The following TXLNB variants were observed in gnomAD, a reference collection of about 807,000 sequenced individuals.
TXLNB encodes beta-taxilin.
TXLNB carries 37 observed loss-of-function variants against 57.4 expected under a neutral mutation model. The ratio of observed to expected loss-of-function variants is 0.64; its 90% CI spans 0.50 to 0.85. TXLNB has a LOEUF of 0.85. Ranked by LOEUF, TXLNB falls within the 40% of genes least tolerant of loss-of-function variation. The pLI is 0.00. For synonymous variants in TXLNB, 302 were observed against 309.6 expected (o/e 0.98, Z 0.26); for missense variants, 848 against 825.6 (o/e 1.03, Z -0.33).
chr6:139,260,601 A>G (rs1396158300), intron 5 of TXLNB, among the ~76,000 whole-genome samples, 164 bp from the exon 6 acceptor site: 1 of 152,180 alleles, frequency 6.6e-6, no homozygotes, highest in Non-Finnish European at 1.5e-5. Flanking sequence ...AAAGCTGTAA[A>G]TTGGTGAACC....
intron 2 of TXLNB, among the ~76,000 whole-genome samples, chr6:139,284,253 G>A (rs1185092970): frequency 6.9e-6 from 1 of 145,384 alleles, no homozygotes. Flanking sequence ...TTGTGGGCCG[G>A]GTGCGGTGGC....
downstream of TXLNB, among the ~76,000 whole-genome samples, chr6:139,236,292 A>G (rs1775835600): frequency 6.6e-6 from 1 of 152,164 alleles, no homozygotes; most frequent in Non-Finnish European, 1.5e-5. Flanking sequence ...TGGGGCTTCC[A>G]GAGCTGTAAA....
the TXLNB span, among the ~76,000 whole-genome samples, chr6:139,206,689 A>T: frequency 6.6e-6 from 1 of 151,328 alleles, no homozygotes; most frequent in Non-Finnish European, 1.5e-5. Context: ...AAAAAAAAAG[A>T]TACAGAATGG....
At chr6:139,255,060 G>A (rs188843229) in intron 7 of TXLNB, among the ~76,000 whole-genome samples, 8 of 152,272 alleles carry the variant, frequency 5.3e-5, no homozygotes, top group Admixed American at 3.3e-4. Flanking sequence ...GACCTCAGGC[G>A]ATCCGCCCGC....
chr6:139,210,048 G>A, the TXLNB span, among the ~76,000 whole-genome samples: 2 of 152,056 alleles, frequency 1.3e-5, no homozygotes, highest in South Asian at 2.1e-4. Flanking sequence ...AGTGGGCAAA[G>A]AATATGAATA....
At chr6:139,269,942 G>A (rs954494683) in intron 4 of TXLNB, among the ~76,000 whole-genome samples, 33 of 152,268 alleles carry the variant, frequency 2.2e-4, no homozygotes, top group African/African-American at 7.2e-4. Flanking sequence ...GAGCTTCAGT[G>A]CTTTTTCCAA....
the TXLNB span, among the ~76,000 whole-genome samples, chr6:139,196,521 C>T: frequency 6.6e-6 from 1 of 151,592 alleles, no homozygotes; most frequent in Non-Finnish European, 1.5e-5. Flanking sequence ...ATTACAGGTG[C>T]CCACCACCAT....
At chr6:139,195,197 A>G in the TXLNB span, among the ~76,000 whole-genome samples, 1 of 152,072 alleles carries the variant, frequency 6.6e-6, no homozygotes, top group Non-Finnish European at 1.5e-5. Context: ...TCCTTCTCAC[A>G]TTGCATCACT....
At chr6:139,213,093 C>A in the TXLNB span, among the ~76,000 whole-genome samples, 1 of 152,102 alleles carries the variant, frequency 6.6e-6, no homozygotes, top group Non-Finnish European at 1.5e-5. Flanking sequence ...ACAAGGATAT[C>A]CAGGAATTGA....
chr6:139,185,561 C>G, the TXLNB span, among the ~76,000 whole-genome samples: 2 of 152,028 alleles, frequency 1.3e-5, no homozygotes, highest in Admixed American at 1.3e-4. Context: ...ATTAGCCGGA[C>G]GTGGTGGTGG....
the TXLNB span, among the ~76,000 whole-genome samples, chr6:139,217,139 G>A: frequency 6.6e-6 from 1 of 152,218 alleles, no homozygotes; most frequent in South Asian, 2.1e-4. Context: ...GGTTCTGAGA[G>A]ATGTCCAGGG....
the TXLNB span, among the ~76,000 whole-genome samples, chr6:139,227,812 A>C: frequency 5.9e-5 from 9 of 152,160 alleles, no homozygotes; most frequent in Admixed American, 5.9e-4. Context: ...TAAAAACAAA[A>C]ACAAAAAACA....
At chr6:139,313,165 C>T in the TXLNB span, among the ~76,000 whole-genome samples, 8 of 151,966 alleles carry the variant, frequency 5.3e-5, no homozygotes, top group African/African-American at 1.4e-4. Context: ...CTCTGCCTCC[C>T]GGGTTCACGC....
At chr6:139,314,375 T>TA in the TXLNB span, among the ~76,000 whole-genome samples, 3 of 152,352 alleles carry the variant, frequency 2.0e-5, no homozygotes, top group East Asian at 5.8e-4. Context: ...TCTGCTGACT[T>TA]ACACTCTTCA....
the TXLNB span, among the ~76,000 whole-genome samples, chr6:139,233,003 A>C: frequency 1.3e-5 from 2 of 152,150 alleles, no homozygotes; most frequent in Non-Finnish European, 2.9e-5. Flanking sequence ...AATGCTGGGT[A>C]TTTGTATTTA....
intron 5 of TXLNB, among the ~76,000 whole-genome samples, 181 bp from the exon 6 acceptor site, chr6:139,260,618 C>A (rs1463977847): frequency 6.6e-6 from 1 of 152,102 alleles, no homozygotes; most frequent in African/African-American, 2.4e-5. Flanking sequence ...AACCCCTCCC[C>A]CTGACTTTGC....
intron 4 of TXLNB, among the ~76,000 whole-genome samples, chr6:139,266,312 G>T (rs1189174365): frequency 1.3e-5 from 2 of 152,012 alleles, no homozygotes; most frequent in East Asian, 3.9e-4. Flanking sequence ...TTTTAAAACA[G>T]GTATTATAAC....
chr6:139,161,592 G>A, the TXLNB span, among the ~76,000 whole-genome samples: 4 of 152,186 alleles, frequency 2.6e-5, no homozygotes, highest in African/African-American at 7.2e-5. Flanking sequence ...TGAAATATTT[G>A]CTGCTTTTTG....
the TXLNB span, among the ~76,000 whole-genome samples, chr6:139,217,685 G>A: frequency 2.0e-5 from 3 of 151,754 alleles, no homozygotes; most frequent in African/African-American, 4.8e-5. Flanking sequence ...TGGCTAACGC[G>A]GTGAAACCCT....
Sources: gnomAD v4.1 joint callset for allele counts (sites outside exome capture counted in the v4.1 genomes callset) on GRCh38, gnomAD v4.1.1 for gene constraint, MANE v1.5 for transcripts, NCBI Gene and HGNC (gene_info 2026-07-23, HGNC 2026-07-21) for gene names.